GABRG3: variants seen among roughly 807,000 people sequenced by gnomAD.
GABRG3 encodes the protein gamma-aminobutyric acid type A receptor subunit gamma3, also known as gamma-aminobutyric acid receptor subunit gamma-3.
Under a neutral mutation model 48.8 loss-of-function variants are expected in GABRG3, and 25 were observed. The observed-to-expected ratio is 0.51, with a 90% CI of 0.37 to 0.72. The LOEUF (loss-of-function observed/expected upper bound fraction) is 0.72, where lower values mean the gene tolerates loss of function less well. Among genes scored for constraint, GABRG3 ranks in the 30% least tolerant of loss-of-function variants. GABRG3 has a pLI of 0.00. For missense variants in GABRG3, 394 were observed against 577.9 expected (o/e 0.68, Z 3.26); for synonymous variants, 227 against 217.6 (o/e 1.04, Z -0.38).
chr15:27,484,201 G>T (rs1228920402), intron 6 of GABRG3, among the ~76,000 whole-genome samples: 1 of 152,208 alleles, frequency 6.6e-6, no homozygotes, highest in Admixed American at 6.5e-5. Context: ...CTCCCAAAGT[G>T]CTGGGATTAC....
intron 5 of GABRG3, among the ~76,000 whole-genome samples, chr15:27,458,052 T>C (rs1889336453): frequency 6.6e-6 from 1 of 152,132 alleles, no homozygotes; most frequent in African/African-American, 2.4e-5. Context: ...GGGTTCTCTC[T>C]TCTCCTCTGA....
chr15:27,019,996 G>A (rs1895858549), intron 2 of GABRG3, among the ~76,000 whole-genome samples: 1 of 152,142 alleles, frequency 6.6e-6, no homozygotes. Flanking sequence ...TTTAATTCCA[G>A]GGGCCTTAAC....
intron 3 of GABRG3, among the ~76,000 whole-genome samples, chr15:27,138,715 A>G (rs1007060259): frequency 6.6e-6 from 1 of 152,128 alleles, no homozygotes; most frequent in Non-Finnish European, 1.5e-5. Context: ...TAGGGTGGAA[A>G]ATTATTATCC....
At chr15:27,025,946 C>G (rs1276657583) in intron 2 of GABRG3, among the ~76,000 whole-genome samples, 1 of 152,148 alleles carries the variant, frequency 6.6e-6, no homozygotes, top group South Asian at 2.1e-4. Flanking sequence ...CATCAGCCCC[C>G]GACTCAGAGG....
At chr15:27,040,630 C>T (rs144162995) in intron 3 of GABRG3, among the ~76,000 whole-genome samples, 308 of 152,350 alleles carry the variant, frequency 2.0e-3, no homozygotes, top group Middle Eastern at 3.4e-3. Context: ...TTTCTCCCAT[C>T]CTCTCTCATA....
chr15:26,989,423 A>C (rs1895208218), intron 2 of GABRG3, among the ~76,000 whole-genome samples: 1 of 152,170 alleles, frequency 6.6e-6, no homozygotes, highest in Non-Finnish European at 1.5e-5. Flanking sequence ...TTTTTCTTAG[A>C]TATACATGTA....
chr15:27,141,577 G>C (rs1022066086), intron 3 of GABRG3, among the ~76,000 whole-genome samples: 1 of 152,210 alleles, frequency 6.6e-6, no homozygotes, highest in Non-Finnish European at 1.5e-5. Context: ...CTGCACCTCT[G>C]AGGTGTCCAG....
chr15:27,306,620 TATA>T (rs1369955681), intron 3 of GABRG3, among the ~76,000 whole-genome samples: 16 of 121,188 alleles, frequency 1.3e-4, no homozygotes, highest in East Asian at 2.2e-4. Flanking sequence ...TATAAACATA[TATA>T]ATATAAACAT....
At chr15:27,200,900 C>G (rs967714561) in intron 3 of GABRG3, among the ~76,000 whole-genome samples, 1 of 152,248 alleles carries the variant, frequency 6.6e-6, no homozygotes, top group East Asian at 1.9e-4. Context: ...GCTGCCTGCC[C>G]TCCTGGCTGC....
intron 3 of GABRG3, among the ~76,000 whole-genome samples, chr15:27,161,693 C>T (rs1887198276): frequency 6.6e-6 from 1 of 151,906 alleles, no homozygotes; most frequent in Admixed American, 6.6e-5. Context: ...GTCTGTAATT[C>T]ACCTCAAATT....
chr15:27,267,102 C>CTTT (rs57772496), intron 3 of GABRG3, among the ~76,000 whole-genome samples: 5 of 112,856 alleles, frequency 4.4e-5, no homozygotes, highest in African/African-American at 6.6e-5. Context: ...TAGTCTTTTA[C>CTTT]TTTTTTTTTT....
Position 27,319,968 on chromosome 15 carries a change from A to G in GABRG3, c.271-6841A>G, listed in dbSNP as rs1893364216. ...TCTACACAAGAAAGGAAACTGAGAA[A>G]AGGCAGGATGTCTATAGCAATGTGC... On this transcript the variant is annotated intron_variant, in intron 3 of 9. Coordinates refer to ENST00000615808, the MANE Select transcript of GABRG3 (RefSeq NM_033223.5). The surrounding 1 kb of genome is among the most constrained non-coding windows in gnomAD (Gnocchi z 4.4). Among the ~76,000 whole-genome samples the G allele has an allele frequency of 6.6e-6, 1 of 152,108 alleles. No homozygotes were observed. The highest frequency in any genetic ancestry group is 6.5e-5 in the Admixed American group (1 of 15,270).
In GABRG3 at chr15:27,132,471, G is replaced by GGTTTTTTTTTTTTTTTTTTTTTTTTTTT. The variant is rs778222775; in HGVS notation, c.270+105650_270+105651insGTTTTTTTTTTTTTTTTTTTTTTTTTTT. 5.1e-5 allele frequency among the ~76,000 whole-genome samples: 2 copies of GGTTTTTTTTTTTTTTTTTTTTTTTTTTT among 39,594 alleles called. 1 individual carries two copies. The highest frequency in any genetic ancestry group is 9.5e-5 in the Non-Finnish European group (2 of 21,018). 26.0% of individuals were successfully genotyped at this position (39,594 alleles called of 152,430 possible). A position where few individuals can be genotyped will look rare whatever the true frequency, so the allele number is the denominator to read the frequency against. ...TGATTCAATCTTCCCAGTAGTTACA[G>GGTTTTTTTTTTTTTTTTTTTTTTTTTTT]TTTTTTTTTTTTTTTTTTTTTTTTT... is the stretch of plus-strand genomic sequence containing the variant. On this transcript the variant is annotated intron_variant, in intron 3 of 9. Coordinates refer to ENST00000615808, the MANE Select transcript of GABRG3 (RefSeq NM_033223.5).
chr15:27,167,743 G>A (rs1887427252), intron 3 of GABRG3, among the ~76,000 whole-genome samples: 2 of 152,160 alleles, frequency 1.3e-5, no homozygotes, highest in Admixed American at 1.3e-4. Context: ...GCCTGGTGAG[G>A]TGCACACCGG....
At chr15:27,295,652 C>G (rs1000157562) in intron 3 of GABRG3, among the ~76,000 whole-genome samples, 1 of 152,202 alleles carries the variant, frequency 6.6e-6, no homozygotes, top group Admixed American at 6.5e-5. Flanking sequence ...TGCGGAGACT[C>G]TCAGCAGAAG....
intron 3 of GABRG3, among the ~76,000 whole-genome samples, chr15:27,205,530 G>T (rs1315758411): frequency 6.6e-6 from 1 of 151,706 alleles, no homozygotes. Flanking sequence ...TGTTGTTGTT[G>T]CTGTATCTTT....
intron 3 of GABRG3, among the ~76,000 whole-genome samples, chr15:27,189,637 G>A (rs1389466765): frequency 1.3e-5 from 2 of 152,142 alleles, no homozygotes; most frequent in Non-Finnish European, 2.9e-5. Context: ...GGCTGAGACA[G>A]TGGGGTTTTC....
chr15:27,306,262 A>T (rs1892433372), intron 3 of GABRG3, among the ~76,000 whole-genome samples: 1 of 139,800 alleles, frequency 7.2e-6, no homozygotes, highest in Non-Finnish European at 1.5e-5. Flanking sequence ...ACATGTCTAT[A>T]TGTAAACATA....
At chr15:27,264,408 T>G (rs1890856721) in intron 3 of GABRG3, among the ~76,000 whole-genome samples, 1 of 152,086 alleles carries the variant, frequency 6.6e-6, no homozygotes, top group Non-Finnish European at 1.5e-5. Flanking sequence ...TATAAAATAC[T>G]ATATGAACTG....
Sources: gnomAD v4.1 joint callset for allele counts (sites outside exome capture counted in the v4.1 genomes callset) on GRCh38, gnomAD v4.1.1 for gene constraint, Gnocchi (gnomAD v3.1) non-coding constraint, MANE v1.5 for transcripts, NCBI Gene and HGNC (gene_info 2026-07-23, HGNC 2026-07-21) for gene names.